The following SCG2 variants were observed in gnomAD, a reference collection of about 807,000 sequenced individuals.
The protein encoded by SCG2 is secretogranin II.
Under a neutral mutation model 49.5 loss-of-function variants are expected in SCG2, and 23 were observed. That is an observed-to-expected ratio of 0.46 (90% CI 0.33 to 0.66). The LOEUF is 0.66. Among genes scored for constraint, SCG2 ranks in the 30% least tolerant of loss-of-function variants. SCG2 has a pLI of 0.01. For missense variants in SCG2, 730 were observed against 728.2 expected (o/e 1.00, Z -0.03); for synonymous variants, 288 against 260.4 (o/e 1.11, Z -1.02).
rs16864976 is a variant in SCG2 at position 223,599,102 on chromosome 2, A to G, written c.181T>C (p.Tyr61His). Residue 61 changes from tyrosine (Y) to histidine (H), a missense_variant, in exon 2 of 2, where the codon TAC becomes CAC. Transcript: ENST00000305409. Reference sequence around the variant, plus strand: ...GCTTGTTGTCGGAGGTTTTCTATGTACTCCAAAGCCCTGATCATTTCAGGA... The same window carrying G: ...GCTTGTTGTCGGAGGTTTTCTATGTGCTCCAAAGCCCTGATCATTTCAGGA... ...PSPEMIRALE[Y>H]IENLRQQAHK... 7.4e-4 allele frequency: 1,192 copies of G among 1,613,884 alleles called. 12 individuals carry two copies. The East Asian group carries it at 0.025, about 34-fold the overall frequency.
Position 223,597,218 on chromosome 2 carries a change from T to C in SCG2, c.*211A>G, listed in dbSNP as rs963235399. On this transcript the variant is annotated 3_prime_UTR_variant, in exon 2 of 2. Transcript: ENST00000305409. Reference sequence around the variant, plus strand: ...TGAATAATGGACATAATAAATTTTTTATCAAGGAGTCATAACATTTACACA... The same window carrying C: ...TGAATAATGGACATAATAAATTTTTCATCAAGGAGTCATAACATTTACACA... 1.5e-5 allele frequency: 7 copies of C among 457,256 alleles called. No homozygotes were observed. The highest frequency in any genetic ancestry group is 5.5e-4 in the Middle Eastern group (1 of 1,810). 28.3% of individuals were successfully genotyped at this position (457,256 alleles called of 1,614,324 possible).
chr2:223,601,072 A>G (rs1385680955), intron 1 of SCG2, among the ~76,000 whole-genome samples: 1 of 152,146 alleles, frequency 6.6e-6, no homozygotes, highest in African/African-American at 2.4e-5. Flanking sequence ...TAAAATCATT[A>G]TCTTGGAACT....
Position 223,598,927 on chromosome 2 carries a change from C to T in SCG2, c.356G>A (p.Arg119Lys). Reference protein sequence around the residue: ...DWMRIILEALRQAENEPQSAP... With the variant: ...DWMRIILEALKQAENEPQSAP... Reference sequence around the variant, plus strand: ...AGACTGAGGCTCATTTTCAGCCTGTCTCAAAGCTTCGAGTATTATTCTCAT... The same window carrying T: ...AGACTGAGGCTCATTTTCAGCCTGTTTCAAAGCTTCGAGTATTATTCTCAT... Residue 119 changes from arginine to lysine, a missense_variant, in exon 2 of 2, where the codon AGA becomes AAA. By Grantham distance (26) the Arg-to-Lys change is conservative (BLOSUM62 2). Coordinates refer to ENST00000305409, the MANE Select transcript of SCG2 (RefSeq NM_003469.5). 2 of 1,614,178 alleles carry T rather than the reference C, an allele frequency of 1.2e-6. No homozygotes were observed. Among genetic ancestry groups the T allele is most frequent in the Non-Finnish European group, 1.7e-6 (2 of 1,180,024 alleles).
rs75160800 is a variant in SCG2 at position 223,599,348 on chromosome 2, T to C, written c.-14-52A>G. 2.6e-3 allele frequency: 3,722 copies of C among 1,416,108 alleles called. 29 individuals carry two copies. Among genetic ancestry groups the C allele is most frequent in the East Asian group, 0.023 (1,002 of 43,334 alleles). 87.7% of individuals were successfully genotyped at this position (1,416,108 alleles called of 1,614,324 possible). A position where few individuals can be genotyped will look rare whatever the true frequency, so the allele number is the denominator to read the frequency against. On this transcript the variant is annotated intron_variant, in intron 1 of 1. Transcript: ENST00000305409. ...ACAAATGAAACAAACTAGAAGACACTATAGCAAAAGAAATAATTGATCATT... is the reference window on the plus strand; with the variant it reads ...ACAAATGAAACAAACTAGAAGACACCATAGCAAAAGAAATAATTGATCATT...
At chr2:223,599,546 A>G (rs888230473) in intron 1 of SCG2, among the ~76,000 whole-genome samples, 4 of 152,258 alleles carry the variant, frequency 2.6e-5, no homozygotes, top group African/African-American at 9.6e-5. Context: ...TTAAAACAAC[A>G]GCAAAAACAC....
Position 223,599,231 on chromosome 2 carries a change from A to G in SCG2, c.52T>C (p.Leu18=). 6.2e-7 allele frequency: 1 copy of G among 1,608,552 alleles called. No individual in the cohort carries two copies. ...TCAGCCCCAGAGATGAGGAAAATTA[A>G]AGGGATAAGAGACAGGGCTGCTCCA... ...WLGAALSLIP[L]IFLISGAEAA... Residue 18 remains leucine (L), a synonymous_variant, in exon 2 of 2, where the codon TTA becomes CTA. Transcript: ENST00000305409.
chr2:223,602,185 C>T (rs1290116908), intron 1 of SCG2, 100 bp downstream of exon 1: 1 of 152,180 alleles, frequency 6.6e-6, no homozygotes, highest in Non-Finnish European at 1.5e-5. Flanking sequence ...ATCCTATCGA[C>T]ATAAGCTTGC....
In SCG2 at chr2:223,597,566, G is replaced by A. The variant is rs1691316786; in HGVS notation, c.1717C>T (p.Pro573Ser). 4 of 1,614,114 alleles carry A rather than the reference G, an allele frequency of 2.5e-6. No individual in the cohort carries two copies. Among genetic ancestry groups the A allele is most frequent in the Non-Finnish European group, 3.4e-6 (4 of 1,180,026 alleles). Residue 573 changes from proline to serine, a missense_variant, in exon 2 of 2, where the codon CCC becomes TCC. Coordinates refer to ENST00000305409, the MANE Select transcript of SCG2 (RefSeq NM_003469.5). ...TTTGGGGTATCATCATTCTTCGGGG[G>A]CCCCACAGGGAACCTTTTGCTCACC... ...APVSKRFPVG[P>S]PKNDDTPNRQ...
In SCG2 at chr2:223,597,728, T is replaced by C. The variant is rs1691320731; in HGVS notation, c.1555A>G (p.Ile519Val). Residue 519 changes from isoleucine (I) to valine (V), a missense_variant, in exon 2 of 2, where the codon ATT becomes GTT. Coordinates refer to ENST00000305409, the MANE Select transcript of SCG2 (RefSeq NM_003469.5). ...ACTCGCTTCACTTGGTTTGAATTAA[T>C]GATCTCAGGGTATTTAACTAGCATC... ...ARMLVKYPEI[I>V]NSNQVKRVPG... The C allele has an allele frequency of 6.2e-7, 1 of 1,614,090 alleles. No homozygotes were observed. Among genetic ancestry groups the C allele is most frequent in the Non-Finnish European group, 8.5e-7 (1 of 1,180,046 alleles).
rs1691336195 is a variant in SCG2 at position 223,598,469 on chromosome 2, T to C, written c.814A>G (p.Ile272Val). The change falls in exon 2 of 2, where the codon ATA (isoleucine) becomes GTA (valine). Residue 272 changes from isoleucine (I) to valine (V), a missense_variant. By Grantham distance (29) the Ile-to-Val change is conservative. Coordinates refer to ENST00000305409, the MANE Select transcript of SCG2 (RefSeq NM_003469.5). ...QEEVRDSKEN[I>V]EKNEQINDEM... Reference sequence around the variant, plus strand: ...TCGTTGATTTGTTCATTTTTTTCTATATTCTCTTTGCTGTCTCTCACCTCT... The same window carrying C: ...TCGTTGATTTGTTCATTTTTTTCTACATTCTCTTTGCTGTCTCTCACCTCT... The C allele has an allele frequency of 2.5e-6, 4 of 1,614,114 alleles. No individual in the cohort carries two copies. Among genetic ancestry groups the C allele is most frequent in the Non-Finnish European group, 2.5e-6 (3 of 1,180,034 alleles).
rs1207662802 is a variant in SCG2 at position 223,598,055 on chromosome 2, G to A, written c.1228C>T (p.Leu410Phe). Reference sequence around the variant, plus strand: ...GTTTTAGGGTAGCCACTCTTGGAGAGCATCCTATTTTGGAACAGGTCTGGA... The same window carrying A: ...GTTTTAGGGTAGCCACTCTTGGAGAACATCCTATTTTGGAACAGGTCTGGA... ...DHPDLFQNRM[L>F]SKSGYPKTPG... The change falls in exon 2 of 2, where the codon CTC becomes TTC. Residue 410 changes from leucine (L) to phenylalanine (F), a missense_variant. Leu to Phe is a conservative substitution (Grantham distance 22, BLOSUM62 0). Coordinates refer to ENST00000305409, the MANE Select transcript of SCG2 (RefSeq NM_003469.5). 3 of 1,606,026 alleles carry A rather than the reference G, an allele frequency of 1.9e-6. No homozygotes were observed. Among genetic ancestry groups the A allele is most frequent in the South Asian group, 1.1e-5 (1 of 89,688 alleles).
chr2:223,600,584 T>C (rs780779235), intron 1 of SCG2, among the ~76,000 whole-genome samples: 1 of 152,138 alleles, frequency 6.6e-6, no homozygotes, highest in Non-Finnish European at 1.5e-5. Context: ...ATCATGGTTT[T>C]GTGATAGATA....
At position 223,597,483 on chromosome 2, in the gene SCG2, T is replaced by G; in HGVS notation, c.1800A>C (p.Glu600Asp). The G allele has an allele frequency of 6.2e-7, 1 of 1,613,552 alleles. No individual in the cohort carries two copies. Among genetic ancestry groups the G allele is most frequent in the Non-Finnish European group, 8.5e-7 (1 of 1,179,776 alleles). The change falls in exon 2 of 2, where the codon GAA becomes GAC. Residue 600 changes from glutamate (E) to aspartate (D), a missense_variant. Glu to Asp is a conservative substitution (Grantham distance 45). Transcript: ENST00000305409. ...LMKVLEYLNQEKAEKGREHIA... is the reference protein window; with the variant it reads ...LMKVLEYLNQDKAEKGREHIA... ...TATGCTCCCTTCCCTTTTCTGCCTT[T>G]TCTTGGTTGAGGTATTCCAGCACTT...
rs957223345 is a variant in SCG2 at position 223,601,789 on chromosome 2, T to A, written c.-15+496A>T. Among the ~76,000 whole-genome samples the A allele has an allele frequency of 4.1e-4, 62 of 152,188 alleles. 1 individual carries two copies. The highest frequency in any genetic ancestry group is 4.0e-3 in the Admixed American group (61 of 15,274). On this transcript the variant is annotated intron_variant, in intron 1 of 1. Transcript: ENST00000305409. ...GTGGTTAGTTAATTCAGAGCTCTTG[T>A]AAGATAAATATCAAAGAAAAAAAAC... is the stretch of plus-strand genomic sequence containing the variant.
chr2:223,598,679 A>G lies in SCG2; in HGVS notation c.604T>C (p.Phe202Leu), dbSNP rs1256984631. The G allele has an allele frequency of 1.2e-6, 2 of 1,614,026 alleles. No homozygotes were observed. Among genetic ancestry groups the G allele is most frequent in the East Asian group, 2.2e-5 (1 of 44,882 alleles). Reference protein sequence around the residue: ...PQSLATLESVFQELGKLTGPN... With the variant: ...PQSLATLESVLQELGKLTGPN... Reference sequence around the variant, plus strand: ...CCTGTCAGTTTCCCCAGCTCTTGGAAGACAGATTCCAATGTAGCAAGGCTT... The same window carrying G: ...CCTGTCAGTTTCCCCAGCTCTTGGAGGACAGATTCCAATGTAGCAAGGCTT... Residue 202 changes from phenylalanine (F) to leucine (L), a missense_variant, in exon 2 of 2, where the codon TTC becomes CTC. Coordinates refer to ENST00000305409, the MANE Select transcript of SCG2 (RefSeq NM_003469.5).
chr2:223,599,373 T>G, intron 1 of SCG2, 77 bp from the exon 2 acceptor site: 1 of 1,226,922 alleles, frequency 8.2e-7, no homozygotes, highest in Non-Finnish European at 1.1e-6. Context: ...AATTGATCAT[T>G]GAGGTGAGGA....
At chr2:223,600,472 T>A (rs1691373351) in intron 1 of SCG2, among the ~76,000 whole-genome samples, 1 of 152,176 alleles carries the variant, frequency 6.6e-6, no homozygotes, top group South Asian at 2.1e-4. Flanking sequence ...TGTTTTACAT[T>A]TAATATTGCT....
In SCG2 at chr2:223,597,947, C is replaced by T. The variant is rs1435763023; in HGVS notation, c.1336G>A (p.Ala446Thr). ...ILNLLGMESA[A>T]NQKTSYFPNP... ...GGAAAATACGACGTTTTCTGATTTG[C>T]TGCACTCTCCATCCCTAAAAGATTT... Residue 446 changes from alanine to threonine, a missense_variant, in exon 2 of 2, where the codon GCA (alanine) becomes ACA (threonine). Coordinates refer to ENST00000305409, the MANE Select transcript of SCG2 (RefSeq NM_003469.5). 2 of 1,614,146 alleles carry T rather than the reference C, an allele frequency of 1.2e-6. No individual in the cohort carries two copies. The highest frequency in any genetic ancestry group is 1.1e-5 in the South Asian group (1 of 91,084).
chr2:223,601,882 T>G (rs1691396077), intron 1 of SCG2, among the ~76,000 whole-genome samples: 1 of 152,220 alleles, frequency 6.6e-6, no homozygotes, highest in African/African-American at 2.4e-5. Flanking sequence ...GGAAACCTAC[T>G]GTTAAGAATA....
Sources: gnomAD v4.1 joint callset for allele counts (sites outside exome capture counted in the v4.1 genomes callset) on GRCh38, gnomAD v4.1.1 for gene constraint, MANE v1.5 for transcripts, NCBI Gene and HGNC (gene_info 2026-07-23, HGNC 2026-07-21) for gene names.